Variants in NFXL1 observed in about 807,000 individuals in gnomAD.
The protein encoded by NFXL1 is NF-X1-type zinc finger protein NFXL1.
In NFXL1, 66 loss-of-function variants were observed where a neutral mutation model predicts 123.3. The observed-to-expected ratio is 0.54, with a 90% CI of 0.44 to 0.66. The LOEUF is 0.66. Among genes scored for constraint, NFXL1 ranks in the 30% least tolerant of loss-of-function variants. NFXL1 has a pLI of 0.00. For missense variants in NFXL1, 944 were observed against 1,125.6 expected, an observed-to-expected ratio of 0.84 and a Z score of 2.31; for synonymous variants, 346 against 360.8, an observed-to-expected ratio of 0.96 and a Z score of 0.46.
At chr4:47,865,998 G>A (rs1735047113) in intron 18 of NFXL1, among the ~76,000 whole-genome samples, 1 of 152,018 alleles carries the variant, frequency 6.6e-6, no homozygotes. Context: ...CTGGGAGACA[G>A]AGAGACACCT....
intron 8 of NFXL1, 67 bp from the exon 9 acceptor site, chr4:47,898,148 A>T: frequency 1.1e-6 from 1 of 909,426 alleles, no homozygotes; most frequent in Non-Finnish European, 1.7e-6. Flanking sequence ...TTCATACAAG[A>T]CACAATCCAT....
At position 47,914,354 on chromosome 4, in the gene NFXL1, C is replaced by A; in HGVS notation, c.-3+11G>T. On this transcript the variant is annotated intron_variant, in intron 1 of 22. Coordinates refer to ENST00000507489, the MANE Select transcript of NFXL1 (RefSeq NM_001278624.2). ...CGACCGGGTTTTAGGAGGTCGCGGC[C>A]CTGCCTTTACCGGAGGGCGAGTCCC... The A allele has an allele frequency of 3.3e-6, 2 of 602,194 alleles. No individual in the cohort carries two copies. The highest frequency in any genetic ancestry group is 5.6e-6 in the Non-Finnish European group (2 of 357,580). 37.3% of individuals were successfully genotyped at this position (602,194 alleles called of 1,614,324 possible).
At chr4:47,864,647 T>C (rs1238269523) in intron 18 of NFXL1, among the ~76,000 whole-genome samples, 1 of 152,082 alleles carries the variant, frequency 6.6e-6, no homozygotes, top group Non-Finnish European at 1.5e-5. Flanking sequence ...GCCTATCCAA[T>C]GAATTCTCCA....
chr4:47,897,889 T>C, intron 9 of NFXL1, 78 bp downstream of exon 9: 2 of 883,144 alleles, frequency 2.3e-6, no homozygotes, highest in South Asian at 1.9e-5. Context: ...TTAAGTTTCC[T>C]GGAGGACGTC....
intron 22 of NFXL1, among the ~76,000 whole-genome samples, 176 bp from the exon 23 acceptor site, chr4:47,848,512 G>T (rs1733937560): frequency 6.6e-6 from 1 of 152,098 alleles, no homozygotes; most frequent in South Asian, 2.1e-4. Flanking sequence ...ACAAATTCAG[G>T]GTTTAGGTAA....
intron 4 of NFXL1, 34 bp from the exon 5 acceptor site, chr4:47,903,357 A>C (rs781421927): frequency 2.1e-6 from 3 of 1,405,222 alleles, no homozygotes; most frequent in South Asian, 3.1e-5. Context: ...AATATATGTT[A>C]ATTTTTCTTT....
chr4:47,892,893 G>A (rs1223627118), intron 11 of NFXL1, among the ~76,000 whole-genome samples: 1 of 152,086 alleles, frequency 6.6e-6, no homozygotes, highest in Non-Finnish European at 1.5e-5. Context: ...TCAATAAACA[G>A]AAACAGACTC....
intron 18 of NFXL1, among the ~76,000 whole-genome samples, chr4:47,868,571 CA>C (rs35342812): frequency 2.0e-3 from 265 of 134,514 alleles, no homozygotes; most frequent in African/African-American, 4.2e-3. Flanking sequence ...TAAAAACGTA[CA>C]AAAAAAAAAA....
At chr4:47,891,755 G>C (rs1251549170) in intron 11 of NFXL1, among the ~76,000 whole-genome samples, 2 of 152,030 alleles carry the variant, frequency 1.3e-5, no homozygotes, top group African/African-American at 4.8e-5. Flanking sequence ...TTATTAAAAA[G>C]CAATTAAGTC....
At chr4:47,873,038 C>T (rs75219140) in intron 18 of NFXL1, among the ~76,000 whole-genome samples, 2,587 of 152,302 alleles carry the variant, frequency 0.017, 73 homozygotes, top group African/African-American at 0.059. Context: ...GTCATTTCAG[C>T]AATGTTCACA....
At position 47,898,768 on chromosome 4, in the gene NFXL1, G is replaced by T; in HGVS notation, c.1078C>A (p.His360Asn). ...GCATATAAACTTACTTGATCACAGT[G>T]CCATAGTGGACTTGCACAACTTCTT... ...AERSCASPLWHCDQVCGKTLP... is the reference protein window; with the variant it reads ...AERSCASPLWNCDQVCGKTLP... Residue 360 changes from histidine (H) to asparagine (N), a missense_variant, in exon 8 of 23, where the codon CAC (histidine) becomes AAC (asparagine). His to Asn is a moderately conservative substitution (Grantham distance 68). This residue lies in a region of NFXL1 where 296 missense variants were observed against 395.1 expected (regional missense o/e 0.75). Coordinates refer to ENST00000507489, the MANE Select transcript of NFXL1 (RefSeq NM_001278624.2). The T allele has an allele frequency of 3.2e-6, 5 of 1,572,888 alleles. No homozygotes were observed. Among genetic ancestry groups the T allele is most frequent in the Non-Finnish European group, 4.4e-6 (5 of 1,142,548 alleles).
chr4:47,852,132 C>T (rs1444345033), intron 20 of NFXL1, 190 bp from the exon 21 acceptor site: 1 of 457,404 alleles, frequency 2.2e-6, no homozygotes, highest in Non-Finnish European at 3.9e-6. Flanking sequence ...TTTCTCTTAA[C>T]TTAAAAAAGA....
Position 47,905,322 on chromosome 4 carries a change from C to T in NFXL1, c.431G>A (p.Arg144Gln), listed in dbSNP as rs780652467. 7.6e-6 allele frequency: 12 copies of T among 1,584,990 alleles called. No homozygotes were observed. Among genetic ancestry groups the T allele is most frequent in the East Asian group, 2.2e-5 (1 of 44,582 alleles). Residue 144 changes from arginine to glutamine, a missense_variant, in exon 4 of 23, where the codon CGA becomes CAA. Around this residue, in one of 4 missense-constraint regions of NFXL1, gnomAD observed 303 missense variants for 292.1 expected, o/e 1.04. Coordinates refer to ENST00000507489, the MANE Select transcript of NFXL1 (RefSeq NM_001278624.2). The part of the protein sequence containing the change: ...QTDGDTRELE[R>Q]TKQYVNEAFQ... ...AGCTTCATTTACATATTGTTTTGTTCGCTCTAATTCACGTGTATCTCCATC... is the reference window on the plus strand; with the variant it reads ...AGCTTCATTTACATATTGTTTTGTTTGCTCTAATTCACGTGTATCTCCATC...
At chr4:47,898,192 C>T in intron 8 of NFXL1, 111 bp from the exon 9 acceptor site, 1 of 625,712 alleles carries the variant, frequency 1.6e-6, no homozygotes, top group Non-Finnish European at 2.8e-6. Context: ...GCTTTACGTC[C>T]CTCATATTAT....
At chr4:47,878,967 CTT>C (rs996279040) in intron 16 of NFXL1, 127 bp downstream of exon 16, 71 of 626,602 alleles carry the variant, frequency 1.1e-4, no homozygotes, top group Non-Finnish European at 1.9e-4. Context: ...TAGATAAACT[CTT>C]GTACTCTTTA....
chr4:47,894,037 A>C, intron 11 of NFXL1, 143 bp downstream of exon 11: 1 of 476,588 alleles, frequency 2.1e-6, no homozygotes, highest in Non-Finnish European at 3.4e-6. Context: ...ATTAAGCTTA[A>C]TCTAGAATAT....
intron 15 of NFXL1, among the ~76,000 whole-genome samples, chr4:47,883,492 T>C (rs1045751732): frequency 2.6e-5 from 4 of 152,178 alleles, no homozygotes; most frequent in African/African-American, 9.6e-5. Context: ...ACTGAATACC[T>C]ACATGAAAAA....
chr4:47,911,133 G>A, intron 2 of NFXL1, 139 bp from the exon 3 acceptor site: 1 of 474,484 alleles, frequency 2.1e-6, no homozygotes, highest in Non-Finnish European at 3.6e-6. Flanking sequence ...CACGAGAAAA[G>A]TATTTTCAAA....
At chr4:47,899,155 A>T in intron 6 of NFXL1, 35 bp from the exon 7 acceptor site, 1 of 1,505,632 alleles carries the variant, frequency 6.6e-7, no homozygotes, top group Non-Finnish European at 8.9e-7. Flanking sequence ...AAAAAAAAAA[A>T]AAAAATCTAA....
Sources: allele counts gnomAD v4.1 joint callset (sites outside exome capture counted in the v4.1 genomes callset), GRCh38; gene constraint gnomAD v4.1.1; regional missense constraint gnomAD v4.1.1; transcripts MANE v1.5; gene names NCBI Gene and HGNC (gene_info 2026-07-23, HGNC 2026-07-21).